ESPNL: variants seen among roughly 807,000 people sequenced by gnomAD.
ESPNL encodes the protein espin-like protein.
ESPNL carries 49 observed loss-of-function variants against 46.8 expected under a neutral mutation model. That is an observed-to-expected ratio of 1.05 (90% CI 0.83 to 1.33). ESPNL has a LOEUF of 1.33. Among genes scored for constraint, ESPNL ranks in the 40% most tolerant of loss-of-function variants. The pLI is 0.00. For missense variants in ESPNL, 1,540 were observed against 1,436.6 expected (o/e 1.07, Z -1.16); for synonymous variants, 664 against 662.1 (o/e 1.00, Z -0.04).
intron 4 of ESPNL, among the ~76,000 whole-genome samples, chr2:238,109,790 T>C (rs55939272): frequency 6.6e-6 from 1 of 152,204 alleles, no homozygotes; most frequent in African/African-American, 2.4e-5. Context: ...ATGTCCCTTT[T>C]CTATCCCAGG....
At chr2:238,127,771 C>T (rs746456370) in intron 7 of ESPNL, 37 bp downstream of exon 7, 9 of 1,512,440 alleles carry the variant, frequency 6.0e-6, no homozygotes, top group East Asian at 4.7e-5. Context: ...TCTCCCGGGG[C>T]CCCTAGCCAG....
chr2:238,130,075 C>T, intron 8 of ESPNL, 53 bp from the exon 9 acceptor site: 8 of 1,559,306 alleles, frequency 5.1e-6, no homozygotes, highest in Admixed American at 1.8e-5. Context: ...GCTAGGTGGG[C>T]TGATGGTGGG....
chr2:238,119,036 G>T lies in ESPNL; in HGVS notation c.987+2002G>T, dbSNP rs189404397. Among the ~76,000 whole-genome samples the T allele has an allele frequency of 2.7e-5, 4 of 147,802 alleles. No homozygotes were observed. In the East Asian group the frequency reaches 6.3e-4, roughly 23 times the overall value. ...TGGAGGAGGGTGGATGGAGGAGGGT[G>T]AATGGAGGAGGAATGAATGGAAGAG... is the stretch of plus-strand genomic sequence containing the variant. On this transcript the variant is annotated intron_variant, in intron 5 of 8. Coordinates refer to ENST00000343063, the MANE Select transcript of ESPNL (RefSeq NM_194312.4).
chr2:238,116,086 C>A (rs762733142), intron 4 of ESPNL, among the ~76,000 whole-genome samples: 1 of 152,260 alleles, frequency 6.6e-6, no homozygotes, highest in African/African-American at 2.4e-5. Context: ...GTGAACACAG[C>A]GTTCGCCTAA....
At chr2:238,100,929 C>T (rs1478176287) in intron 1 of ESPNL, among the ~76,000 whole-genome samples, 2 of 152,218 alleles carry the variant, frequency 1.3e-5, no homozygotes, top group African/African-American at 4.8e-5. Context: ...ATTTTCTTAT[C>T]ACCTTCCCTG....
At chr2:238,107,135 GC>G (rs1691614753) in intron 3 of ESPNL, among the ~76,000 whole-genome samples, 1 of 152,236 alleles carries the variant, frequency 6.6e-6, no homozygotes, top group Non-Finnish European at 1.5e-5. Context: ...CCACTGGCAG[GC>G]CCAGGCCCCA....
At position 238,116,938 on chromosome 2, in the gene ESPNL, C is replaced by T; in HGVS notation, c.891C>T (p.Pro297=). ...CQTLVSHHVD[P]SLRDEDGYTA... is the part of the protein sequence containing the mutation. ...CCCTAGTCTCCCACCACGTGGACCC[C>T]TCCCTGCGGGATGAAGATGGTTACA... The change falls in exon 5 of 9, where the codon CCC becomes CCT. Residue 297 remains proline, a synonymous_variant. Transcript: ENST00000343063. 6.2e-7 allele frequency: 1 copy of T among 1,612,718 alleles called. No individual in the cohort carries two copies. Among genetic ancestry groups the T allele is most frequent in the South Asian group, 1.1e-5 (1 of 91,078 alleles).
intron 5 of ESPNL, among the ~76,000 whole-genome samples, chr2:238,117,251 G>T (rs1691837956): frequency 6.6e-6 from 1 of 152,232 alleles, no homozygotes; most frequent in Admixed American, 6.5e-5. Flanking sequence ...TGTGACAGGG[G>T]CCAGGACAGG....
rs1382831551 is a variant in ESPNL, at chr2:238,114,735, G to T, written c.856-2168G>T. ...CAAAATAGTTTTTCCCTTTTTAAAT[G>T]GGGAAAAGGAAAAAGAATCACATCT... On this transcript the variant is annotated intron_variant, in intron 4 of 8. Coordinates refer to ENST00000343063, the MANE Select transcript of ESPNL (RefSeq NM_194312.4). This position sits in a 1 kb window ranked among gnomAD's most constrained non-coding sequence, Gnocchi z 5.0. Among the ~76,000 whole-genome samples, 1 of 152,196 alleles carries T rather than the reference G, an allele frequency of 6.6e-6. No homozygotes were observed. The highest frequency in any genetic ancestry group is 6.5e-5 in the Admixed American group (1 of 15,278).
rs144338731 is a variant in ESPNL at position 238,130,276 on chromosome 2, G to A, written c.1562G>A (p.Arg521His). ...EKQIADLQLR[R>H]RCQEYESELG... ...CAGATTGCAGACCTGCAGCTTCGGC[G>A]CCGCTGTCAGGAGTATGAGAGTGAG... The change falls in exon 9 of 9, where the codon CGC becomes CAC. Residue 521 changes from arginine (R) to histidine (H), a missense_variant. Transcript: ENST00000343063. The A allele has an allele frequency of 3.0e-3, 4,898 of 1,607,228 alleles. 14 individuals carry two copies. Among genetic ancestry groups the A allele is most frequent in the Non-Finnish European group, 3.5e-3 (4,112 of 1,177,454 alleles).
At position 238,104,737 on chromosome 2, in the gene ESPNL, C is replaced by G. The variant is rs1363924370; in HGVS notation, c.567C>G (p.Phe189Leu). 2 of 1,608,460 alleles carry G rather than the reference C, an allele frequency of 1.2e-6. No individual in the cohort carries two copies. ...CQEGHLHLAQ[F>L]LVKDCGADVH... The stretch of plus-strand genomic sequence containing the variant: ...AGGGCCACCTGCACCTGGCCCAGTT[C>G]CTGGTGAAGGACTGTGGCGCTGACG... Residue 189 changes from phenylalanine (F) to leucine (L), a missense_variant, in exon 3 of 9, where the codon TTC becomes TTG. Physicochemically the swap from Phe to Leu is conservative, Grantham distance 22. Transcript: ENST00000343063.
Position 238,130,593 on chromosome 2 carries a change from GACACC to G in ESPNL, c.1880_1884del (p.Asp627ValfsTer65). The G allele has an allele frequency of 6.4e-7, 1 of 1,569,918 alleles. No individual in the cohort carries two copies. The highest frequency in any genetic ancestry group is 8.6e-7 in the Non-Finnish European group (1 of 1,157,638). On this transcript the variant is annotated frameshift_variant, in exon 9 of 9. Transcript: ENST00000343063. LOFTEE classifies it low-confidence loss of function (END_TRUNC). ...GAAGCCATCCACCCGGCCCCTGCAG[GACACC>G]TGCAGGGAGGCCTCGGCCAGCCCCC...
intron 5 of ESPNL, among the ~76,000 whole-genome samples, chr2:238,124,030 G>A (rs953228137): frequency 7.2e-5 from 11 of 152,356 alleles, no homozygotes; most frequent in East Asian, 5.8e-4. Context: ...GTCCGGCCCC[G>A]GTGCAGCAGG....
chr2:238,122,103 G>A (rs1199232992), intron 5 of ESPNL, among the ~76,000 whole-genome samples: 2 of 152,268 alleles, frequency 1.3e-5, no homozygotes, highest in African/African-American at 4.8e-5. Flanking sequence ...GGGCCGTGGG[G>A]CCACATGACC....
At chr2:238,120,118 C>A (rs931181130) in intron 5 of ESPNL, among the ~76,000 whole-genome samples, 3 of 152,156 alleles carry the variant, frequency 2.0e-5, no homozygotes, top group Admixed American at 6.5e-5. Context: ...TCCAGCGGGT[C>A]CTGGTTCAGC....
chr2:238,128,945 G>A (rs1183428409), intron 8 of ESPNL, 41 bp downstream of exon 8: 32 of 1,510,110 alleles, frequency 2.1e-5, no homozygotes, highest in South Asian at 3.6e-5. Context: ...GCGGGGCGGG[G>A]CCTTTTCCAG....
At chr2:238,104,012 G>A (rs1691540729) in intron 2 of ESPNL, among the ~76,000 whole-genome samples, 1 of 152,168 alleles carries the variant, frequency 6.6e-6, no homozygotes, top group South Asian at 2.1e-4. Flanking sequence ...TCTCCTCTGG[G>A]GTGGACACTG....
Position 238,107,841 on chromosome 2 carries a change from G to T in ESPNL, c.723G>T (p.Thr241=). 6.2e-7 allele frequency: 1 copy of T among 1,607,922 alleles called. No individual in the cohort carries two copies. Among genetic ancestry groups the T allele is most frequent in the Admixed American group, 1.7e-5 (1 of 59,346 alleles). Residue 241 remains threonine, a synonymous_variant, in exon 4 of 9, where the codon ACG becomes ACT. Transcript: ENST00000343063. ...CGGCACGGGACAATGAGGGGGCCAC[G>T]GCCCTGCACTTTGCAGCCCGAGGCG... ...GLTARDNEGA[T]ALHFAARGGH...
chr2:238,131,615 G>T lies in ESPNL; in HGVS notation c.2901G>T (p.Arg967=). The change falls in exon 9 of 9, where the codon CGG becomes CGT. Residue 967 remains arginine (R), a synonymous_variant. Transcript: ENST00000343063. ...GCGGCCCTGAGCCCACAGCACAGCG[G>T]CTGGGGTCCCGCTCCCAGCAGGGCA... is the stretch of plus-strand genomic sequence containing the variant. ...PCSGPEPTAQ[R]LGSRSQQGSF... 2 of 1,611,600 alleles carry T rather than the reference G, an allele frequency of 1.2e-6. No homozygotes were observed. Among genetic ancestry groups the T allele is most frequent in the African/African-American group, 1.3e-5 (1 of 75,022 alleles).
Sources: gnomAD v4.1 joint callset for allele counts (sites outside exome capture counted in the v4.1 genomes callset) on GRCh38, gnomAD v4.1.1 for gene constraint, Gnocchi (gnomAD v3.1) non-coding constraint, MANE v1.5 for transcripts, NCBI Gene and HGNC (gene_info 2026-07-23, HGNC 2026-07-21) for gene names.